The following SSR2 variants were observed in gnomAD, a reference collection of about 807,000 sequenced individuals.
The protein encoded by SSR2 is signal sequence receptor subunit 2.
A neutral mutation model predicts 22.6 loss-of-function variants in SSR2; 16 were observed. The ratio of observed to expected loss-of-function variants is 0.71; its 90% CI spans 0.48 to 1.08. The LOEUF is 1.08. Among genes scored for constraint, SSR2 ranks in the 50% least tolerant of loss-of-function variants. The pLI is 0.00. For missense variants in SSR2, 171 were observed against 221.6 expected, an observed-to-expected ratio of 0.77 and a Z score of 1.45; for synonymous variants, 83 against 91.2, an observed-to-expected ratio of 0.91 and a Z score of 0.51.
intron 3 of SSR2, among the ~76,000 whole-genome samples, chr1:156,015,609 A>G (rs1392071969): frequency 7.1e-6 from 1 of 141,582 alleles, no homozygotes; most frequent in African/African-American, 2.6e-5. Flanking sequence ...AAAAAAAGAG[A>G]GAGAGATGGG....
rs749426528 is a variant in SSR2, at chr1:156,018,473, C to T, written c.156-105G>A. On this transcript the variant is annotated intron_variant, in intron 2 of 5. Coordinates refer to ENST00000295702, the MANE Select transcript of SSR2 (RefSeq NM_003145.4). ...TGTAATCCCAGCACTTTTGGGAGGC[C>T]GAGGTGGGCAGATCACCTGAGGTCA... is the stretch of plus-strand genomic sequence containing the variant. The T allele has an allele frequency of 3.0e-5, 22 of 741,684 alleles. 1 individual carries two copies. In the Middle Eastern group the frequency reaches 1.0e-3, roughly 35 times the overall value. 45.9% of individuals were successfully genotyped at this position (741,684 alleles called of 1,614,324 possible).
intron 5 of SSR2, among the ~76,000 whole-genome samples, chr1:156,009,855 C>T (rs1682955457): frequency 6.6e-6 from 1 of 152,184 alleles, no homozygotes; most frequent in Admixed American, 6.5e-5. Context: ...CTCACTGCAA[C>T]CTCCGCCTCC....
In SSR2 at chr1:156,015,007, G is replaced by C; in HGVS notation, c.317C>G (p.Thr106Ser). The part of the protein sequence containing the change: ...RPLKAGYFNF[T>S]SATITYLAQE... ...GGCCAGGTAAGTAATTGTTGCCGAG[G>C]TGAAGTTGAAATAACCAGCCTTGAG... Residue 106 changes from threonine (T) to serine (S), a missense_variant, in exon 4 of 6, where the codon ACC becomes AGC. Thr to Ser is a moderately conservative substitution (Grantham distance 58). Coordinates refer to ENST00000295702, the MANE Select transcript of SSR2 (RefSeq NM_003145.4). The C allele has an allele frequency of 6.2e-7, 1 of 1,614,076 alleles. No homozygotes were observed. Among genetic ancestry groups the C allele is most frequent in the Non-Finnish European group, 8.5e-7 (1 of 1,179,970 alleles).
chr1:156,009,905 C>T (rs1180294034), intron 5 of SSR2, among the ~76,000 whole-genome samples: 1 of 152,162 alleles, frequency 6.6e-6, no homozygotes, highest in Non-Finnish European at 1.5e-5. Context: ...TCCCCAGTAG[C>T]TGGGATTACA....
chr1:156,016,675 T>A (rs960780138), intron 3 of SSR2, among the ~76,000 whole-genome samples: 3 of 152,226 alleles, frequency 2.0e-5, no homozygotes, highest in African/African-American at 7.2e-5. Flanking sequence ...TTATTATTGA[T>A]ATGATTTGGA....
intron 3 of SSR2, among the ~76,000 whole-genome samples, chr1:156,016,312 C>A (rs769160150): frequency 3.3e-5 from 5 of 152,068 alleles, no homozygotes; most frequent in African/African-American, 4.8e-5. Context: ...CAGCTCACTG[C>A]AAGCTCCGCC....
At chr1:156,015,521 A>AT (rs1235757022) in intron 3 of SSR2, among the ~76,000 whole-genome samples, 1 of 117,932 alleles carries the variant, frequency 8.5e-6, no homozygotes, top group African/African-American at 3.3e-5. Flanking sequence ...AAAAAAAAAA[A>AT]AAAAAAAAAA....
chr1:156,014,935 T>C (rs972951239), intron 4 of SSR2, 26 bp downstream of exon 4: 2 of 1,578,566 alleles, frequency 1.3e-6, no homozygotes, highest in Admixed American at 1.7e-5. Context: ...CCAAATTCCA[T>C]CCAGCTAAGG....
At chr1:156,018,693 C>T (rs1426210757) in intron 2 of SSR2, among the ~76,000 whole-genome samples, 2 of 150,926 alleles carry the variant, frequency 1.3e-5, no homozygotes, top group African/African-American at 2.4e-5. Context: ...TGGGACAGAG[C>T]GAGACTCTGT....
rs572406003 is a variant in SSR2 at position 156,014,764 on chromosome 1, A to T, written c.363+197T>A. On this transcript the variant is annotated intron_variant, in intron 4 of 5. Transcript: ENST00000295702. ...TGCATGTTGGCCAGGCTGGTCTTGA[A>T]CTCCTGACCTTAGGTGATCTGCCCA... is the stretch of plus-strand genomic sequence containing the variant. The T allele has an allele frequency of 3.3e-5, 15 of 458,794 alleles. No homozygotes were observed. In the East Asian group the frequency reaches 5.6e-4, roughly 17 times the overall value. The allele number at this position is 458,794 out of a possible 1,614,324, so 28.4% of individuals were successfully genotyped here. A position where few individuals can be genotyped will look rare whatever the true frequency, so the allele number is the denominator to read the frequency against.
Position 156,015,031 on chromosome 1 carries a change from A to G in SSR2, c.293T>C (p.Leu98Pro). The change falls in exon 4 of 6, where the codon CTC becomes CCC. Residue 98 changes from leucine to proline, a missense_variant. By Grantham distance (98) the Leu-to-Pro change is moderately conservative. Coordinates refer to ENST00000295702, the MANE Select transcript of SSR2 (RefSeq NM_003145.4). ...GGTGAAGTTGAAATAACCAGCCTTG[A>G]GAGGGCGCAGGACCACAGTGTGGGA... is the stretch of plus-strand genomic sequence containing the variant. ...NVSHTVVLRP[L>P]KAGYFNFTSA... 1 of 1,614,004 alleles carries G rather than the reference A, an allele frequency of 6.2e-7. No homozygotes were observed. Among genetic ancestry groups the G allele is most frequent in the Non-Finnish European group, 8.5e-7 (1 of 1,179,958 alleles).
intron 2 of SSR2, 118 bp downstream of exon 2, chr1:156,019,895 T>C (rs1683122486): frequency 1.8e-6 from 2 of 1,132,870 alleles, no homozygotes; most frequent in Non-Finnish European, 1.2e-6. Context: ...ACTCAATATA[T>C]CTGATGCTGG....
intron 4 of SSR2, chr1:156,014,716 A>G (rs12119565): frequency 0.024 from 6,997 of 291,976 alleles, 110 homozygotes; most frequent in Admixed American, 0.036. Flanking sequence ...TAATTTTTGT[A>G]TTTGTAGTAG....
chr1:156,015,062 T>C lies in SSR2; in HGVS notation c.262A>G (p.Asn88Asp), dbSNP rs759287947. 35 of 1,613,332 alleles carry C rather than the reference T, an allele frequency of 2.2e-5. No individual in the cohort carries two copies. The East Asian group carries it at 6.9e-4, about 32-fold the overall frequency. ...VKWDRIAPAS[N>D]VSHTVVLRPL... ...CGCAGGACCACAGTGTGGGAGACAT[T>C]GCTAGCACTGGCTCAAGAGTTAAGG... The change falls in exon 4 of 6, where the codon AAT (asparagine) becomes GAT (aspartate). Residue 88 changes from asparagine (N) to aspartate (D), a missense_variant. Physicochemically the swap from Asn to Asp is conservative, Grantham distance 23. Transcript: ENST00000295702.
chr1:156,015,361 G>A (rs1207866903), intron 3 of SSR2, among the ~76,000 whole-genome samples: 8 of 151,144 alleles, frequency 5.3e-5, no homozygotes, highest in Non-Finnish European at 1.2e-4. Flanking sequence ...GAAAAAATTA[G>A]CTGGGCATGG....
chr1:156,016,084 G>C (rs145902159), intron 3 of SSR2, among the ~76,000 whole-genome samples: 4,445 of 152,110 alleles, frequency 0.029, 107 homozygotes, highest in Non-Finnish European at 0.046. Context: ...TCGGGAGCCA[G>C]AGGTTGCAGT....
At chr1:156,011,976 C>T in intron 4 of SSR2, 89 bp from the exon 5 acceptor site, 1 of 933,610 alleles carries the variant, frequency 1.1e-6, no homozygotes, top group Non-Finnish European at 1.7e-6. Flanking sequence ...CCCAACCAAC[C>T]CAACTCTATG....
At position 156,015,037 on chromosome 1, in the gene SSR2, C is replaced by T. The variant is rs1182117019; in HGVS notation, c.287G>A (p.Arg96His). 4.3e-6 allele frequency: 7 copies of T among 1,613,700 alleles called. No individual in the cohort carries two copies. The highest frequency in any genetic ancestry group is 2.2e-5 in the East Asian group (1 of 44,888). Residue 96 changes from arginine (R) to histidine (H), a missense_variant, in exon 4 of 6, where the codon CGC becomes CAC. Arg to His is a conservative substitution (Grantham distance 29). Coordinates refer to ENST00000295702, the MANE Select transcript of SSR2 (RefSeq NM_003145.4). ...GTTGAAATAACCAGCCTTGAGAGGG[C>T]GCAGGACCACAGTGTGGGAGACATT... ...ASNVSHTVVLRPLKAGYFNFT... is the reference protein window; with the variant it reads ...ASNVSHTVVLHPLKAGYFNFT...
At chr1:156,014,236 C>T (rs1362498844) in intron 4 of SSR2, 3 of 151,966 alleles carry the variant, frequency 2.0e-5, no homozygotes, top group Non-Finnish European at 2.9e-5. Flanking sequence ...ATCCTCCCAC[C>T]TCAGCCTCCT....
Sources: gnomAD v4.1 joint callset for allele counts (sites outside exome capture counted in the v4.1 genomes callset) on GRCh38, gnomAD v4.1.1 for gene constraint, MANE v1.5 for transcripts, NCBI Gene and HGNC (gene_info 2026-07-23, HGNC 2026-07-21) for gene names.